DOCK1: variants seen among roughly 807,000 people sequenced by gnomAD.
DOCK1 encodes dedicator of cytokinesis protein 1.
A neutral mutation model predicts 262.7 loss-of-function variants in DOCK1; 138 were observed. The ratio of observed to expected loss-of-function variants is 0.53; its 90% confidence interval spans 0.46 to 0.61. The LOEUF is 0.61. DOCK1 is among the 20% of genes least tolerant of loss of function. DOCK1 has a pLI of 0.00. For synonymous variants in DOCK1, 866 were observed against 867.4 expected (o/e 1.00, Z 0.03); for missense variants, 1,908 against 2,370.7 (o/e 0.80, Z 4.05).
At chr10:127,052,658 G>C in intron 21 of DOCK1, 23 bp from the exon 22 acceptor site, 2 of 1,613,708 alleles carry the variant, frequency 1.2e-6, no homozygotes, top group African/African-American at 1.3e-5. Context: ...GAGCTTATTT[G>C]TGCGTGTTTG....
intron 4 of DOCK1, among the ~76,000 whole-genome samples, chr10:126,983,521 C>T (rs12219822): frequency 6.6e-5 from 10 of 151,920 alleles, no homozygotes; most frequent in African/African-American, 1.9e-4. Flanking sequence ...CTTGCATGAT[C>T]GTTCTCATAT....
intron 29 of DOCK1, among the ~76,000 whole-genome samples, chr10:127,311,177 A>G (rs1168833918): frequency 6.6e-6 from 1 of 152,190 alleles, no homozygotes; most frequent in African/African-American, 2.4e-5. Context: ...CTGCATTTCT[A>G]CCAAGCTCCT....
intron 18 of DOCK1, among the ~76,000 whole-genome samples, chr10:127,035,291 T>G (rs2043517256): frequency 6.6e-6 from 1 of 152,208 alleles, no homozygotes; most frequent in Non-Finnish European, 1.5e-5. Context: ...TAAACTTCTC[T>G]GTCCTCAGCA....
At chr10:127,204,211 A>G (rs1298595579) in intron 27 of DOCK1, among the ~76,000 whole-genome samples, 2 of 152,172 alleles carry the variant, frequency 1.3e-5, no homozygotes, top group Admixed American at 1.3e-4. Context: ...CAAATCCTAC[A>G]GAGCTTTTTC....
At chr10:127,015,070 C>A (rs2041757289) in intron 12 of DOCK1, 1 of 152,078 alleles carries the variant, frequency 6.6e-6, no homozygotes, top group Non-Finnish European at 1.5e-5. Context: ...GTGCTCCTGT[C>A]TGGGTGCCAT....
chr10:127,130,333 G>A (rs1278326831), intron 27 of DOCK1, among the ~76,000 whole-genome samples: 2 of 152,052 alleles, frequency 1.3e-5, no homozygotes, highest in African/African-American at 2.4e-5. Flanking sequence ...TGATCCATCC[G>A]CTTCGGCCTC....
At chr10:127,326,541 C>G (rs955314370) in intron 29 of DOCK1, among the ~76,000 whole-genome samples, 2 of 152,196 alleles carry the variant, frequency 1.3e-5, no homozygotes, top group African/African-American at 4.8e-5. Flanking sequence ...TTCTAGTTCT[C>G]TGCTATTTCC....
At chr10:127,090,983 G>GTT (rs34548050) in intron 23 of DOCK1, among the ~76,000 whole-genome samples, 3,670 of 137,154 alleles carry the variant, frequency 0.027, 122 homozygotes, top group East Asian at 0.11. Context: ...CGTCTATTTG[G>GTT]TTTTTTTTTT....
chr10:127,026,112 C>A, intron 15 of DOCK1: 2 of 476,872 alleles, frequency 4.2e-6, no homozygotes, highest in Non-Finnish European at 7.4e-6. Context: ...TCAGAGCATT[C>A]AGAAAAAAAA....
At chr10:127,079,027 T>C (rs1221386570) in intron 23 of DOCK1, among the ~76,000 whole-genome samples, 1 of 152,234 alleles carries the variant, frequency 6.6e-6, no homozygotes, top group Non-Finnish European at 1.5e-5. Context: ...ATAAAACAGC[T>C]GAATTATAAA....
intron 10 of DOCK1, among the ~76,000 whole-genome samples, chr10:127,005,826 T>C (rs2040974544): frequency 6.6e-6 from 1 of 152,242 alleles, no homozygotes; most frequent in South Asian, 2.1e-4. Context: ...ACTGATTGAT[T>C]TTTTAATGTC....
intron 32 of DOCK1, among the ~76,000 whole-genome samples, chr10:127,355,716 A>G (rs2064113221): frequency 3.3e-5 from 5 of 152,128 alleles, no homozygotes; most frequent in Admixed American, 3.3e-4. Context: ...TTAGGGTTTC[A>G]CTTGTTGCAC....
chr10:127,414,561 T>TACTTAGTA (rs1166286106), intron 43 of DOCK1, among the ~76,000 whole-genome samples: 3 of 152,210 alleles, frequency 2.0e-5, no homozygotes, highest in African/African-American at 7.2e-5. Flanking sequence ...TCTTGAACAA[T>TACTTAGTA]AGATACTAAA....
chr10:126,987,133 A>G (rs1262935690), intron 4 of DOCK1, among the ~76,000 whole-genome samples: 1 of 152,170 alleles, frequency 6.6e-6, no homozygotes, highest in East Asian at 1.9e-4. Flanking sequence ...CCAAACCTGC[A>G]TTTTAATGCC....
chr10:127,355,436 C>A (rs999309356), intron 32 of DOCK1, among the ~76,000 whole-genome samples: 2 of 152,184 alleles, frequency 1.3e-5, no homozygotes, highest in East Asian at 1.9e-4. Context: ...GAAGCTCTCT[C>A]TGGCTCCTGC....
intron 11 of DOCK1, among the ~76,000 whole-genome samples, chr10:127,011,008 T>G (rs987812671): frequency 2.0e-5 from 3 of 152,232 alleles, no homozygotes; most frequent in Non-Finnish European, 4.4e-5. Flanking sequence ...TAGTTTTAGA[T>G]TCACTGATTT....
intron 1 of DOCK1, among the ~76,000 whole-genome samples, chr10:126,918,156 C>T (rs554205730): frequency 5.3e-5 from 8 of 151,766 alleles, no homozygotes; most frequent in South Asian, 2.1e-4. Context: ...AGTGGGGCTC[C>T]GCTGATGCTC....
Position 127,339,091 on chromosome 10 carries a change from G to A in DOCK1, c.3123+7G>A. 1 of 1,564,810 alleles carries A rather than the reference G, an allele frequency of 6.4e-7. No homozygotes were observed. Among genetic ancestry groups the A allele is most frequent in the African/African-American group, 1.4e-5 (1 of 73,760 alleles). On this transcript the variant is annotated splice_region_variant and intron_variant, in intron 30 of 51. Coordinates refer to ENST00000623213, the MANE Select transcript of DOCK1 (RefSeq NM_001290223.2). ...AGCCAACTTTGAGCTACAGGTAAGA[G>A]AAGAGGTAGACACGACCTTTGTGGA...
intron 29 of DOCK1, among the ~76,000 whole-genome samples, chr10:127,262,557 A>G (rs2060212175): frequency 6.6e-6 from 1 of 150,898 alleles, no homozygotes; most frequent in South Asian, 2.2e-4. Context: ...AATGTTTAGA[A>G]GCTGGATCAG....
Sources: gnomAD v4.1 joint callset for allele counts (sites outside exome capture counted in the v4.1 genomes callset) on GRCh38, gnomAD v4.1.1 for gene constraint, MANE v1.5 for transcripts, NCBI Gene and HGNC (gene_info 2026-07-23, HGNC 2026-07-21) for gene names.